Variants in SNX24 observed in about 807,000 individuals in gnomAD.
The protein encoded by SNX24 is sorting nexin 24.
SNX24 carries 22 observed loss-of-function variants against 28.7 expected under a neutral mutation model. That is an observed-to-expected ratio of 0.77 (90% CI 0.55 to 1.10). The LOEUF (loss-of-function observed/expected upper bound fraction) is 1.10, where lower values mean the gene tolerates loss of function less well. Among genes scored for constraint, SNX24 ranks in the 50% least tolerant of loss-of-function variants. SNX24 has a pLI of 0.00. For missense variants in SNX24, 221 were observed against 201.1 expected (o/e 1.10, Z -0.60); for synonymous variants, 69 against 71.5 (o/e 0.96, Z 0.18).
At chr5:122,867,043 A>G (rs1402811988) in intron 1 of SNX24, among the ~76,000 whole-genome samples, 3 of 152,144 alleles carry the variant, frequency 2.0e-5, no homozygotes, top group African/African-American at 4.8e-5. Context: ...AATCCTGGCT[A>G]TGGGAGAAAC....
rs1019045003 is a variant in SNX24, at chr5:122,895,632, A to T, written c.61-41102A>T. Reference sequence around the variant, plus strand: ...TCCCCCGCAGGGGACACGTCTGCAAAGTGTGTCCACGCATGCCAGCAGCTG... The same window carrying T: ...TCCCCCGCAGGGGACACGTCTGCAATGTGTGTCCACGCATGCCAGCAGCTG... On this transcript the variant is annotated intron_variant, in intron 1 of 6. Transcript: ENST00000261369. Among the ~76,000 whole-genome samples the T allele has an allele frequency of 1.5e-4, 23 of 152,292 alleles. No individual in the cohort carries two copies. In the East Asian group the frequency reaches 2.9e-3, roughly 19 times the overall value.
In SNX24 at chr5:122,856,391, G is replaced by A. The variant is rs143737578; in HGVS notation, c.60+10698G>A. Among the ~76,000 whole-genome samples, 61 of 152,230 alleles carry A rather than the reference G, an allele frequency of 4.0e-4. No individual in the cohort carries two copies. The Middle Eastern group carries it at 0.017, about 42-fold the overall frequency. On this transcript the variant is annotated intron_variant, in intron 1 of 6. Transcript: ENST00000261369. ...TCTACTGTTGATGGGCATTTAGGTT[G>A]ACTTCATGTTTTTGCTACTGTGAAT...
At position 122,990,038 on chromosome 5, in the gene SNX24, A is replaced by G. The variant is rs377180428; in HGVS notation, c.250-9874A>G. Reference sequence around the variant, plus strand: ...ATTGACTGTTTTTTGTTGTTGTTGCAGCCAAGAGGCCAAGCCCCTCCTCCT... The same window carrying G: ...ATTGACTGTTTTTTGTTGTTGTTGCGGCCAAGAGGCCAAGCCCCTCCTCCT... On this transcript the variant is annotated intron_variant, in intron 3 of 6. Coordinates refer to ENST00000261369, the MANE Select transcript of SNX24 (RefSeq NM_014035.4). Among the ~76,000 whole-genome samples the G allele has an allele frequency of 4.0e-4, 61 of 152,292 alleles. 2 individuals are homozygous for G. The highest frequency in any genetic ancestry group is 3.4e-3 in the Middle Eastern group (1 of 294).
intron 1 of SNX24, among the ~76,000 whole-genome samples, chr5:122,904,071 G>A (rs948148464): frequency 6.6e-6 from 1 of 152,056 alleles, no homozygotes; most frequent in Non-Finnish European, 1.5e-5. Context: ...TAAATTCTTG[G>A]GTTCTGTGGG....
intron 5 of SNX24, among the ~76,000 whole-genome samples, chr5:123,018,753 A>C (rs34200112): frequency 0.23 from 35,198 of 151,572 alleles, 5,214 homozygotes; most frequent in Non-Finnish European, 0.34. Context: ...GTGGTGGGAT[A>C]TCGGCTCACT....
intron 1 of SNX24, among the ~76,000 whole-genome samples, chr5:122,891,849 T>A (rs932271649): frequency 6.6e-6 from 1 of 152,214 alleles, no homozygotes; most frequent in East Asian, 1.9e-4. Context: ...TATTGACTTG[T>A]GAGCAAACAT....
intron 1 of SNX24, among the ~76,000 whole-genome samples, chr5:122,865,896 A>G (rs1361879304): frequency 6.6e-6 from 1 of 152,236 alleles, no homozygotes; most frequent in African/African-American, 2.4e-5. Flanking sequence ...AGAAGGTAGA[A>G]TCCTTGAGTG....
intron 3 of SNX24, among the ~76,000 whole-genome samples, chr5:122,989,272 A>G (rs1761732348): frequency 6.6e-6 from 1 of 152,220 alleles, no homozygotes; most frequent in Non-Finnish European, 1.5e-5. Flanking sequence ...CACTGGCTCA[A>G]GATTATCAGG....
intron 3 of SNX24, 121 bp downstream of exon 3, chr5:122,946,280 G>T: frequency 1.9e-6 from 1 of 517,004 alleles, no homozygotes; most frequent in Non-Finnish European, 3.4e-6. Context: ...CTAAATTAAA[G>T]GAAGTCCAAA....
At chr5:123,013,457 AAC>A (rs777081473), downstream of SNX24, among the ~76,000 whole-genome samples, 2 of 152,252 alleles carry the variant, frequency 1.3e-5, no homozygotes. Flanking sequence ...CAGCAGCGGA[AAC>A]ACAGGGAAGT....
intron 1 of SNX24, among the ~76,000 whole-genome samples, chr5:122,913,751 A>C (rs568851334): frequency 1.2e-4 from 19 of 152,310 alleles, no homozygotes; most frequent in African/African-American, 4.6e-4. Context: ...TGGGAGGCCA[A>C]GGCAGGCGGC....
At position 122,976,535 on chromosome 5, in the gene SNX24, A is replaced by G. The variant is rs1370259864; in HGVS notation, c.250-23377A>G. Among the ~76,000 whole-genome samples the G allele has an allele frequency of 2.0e-5, 3 of 152,154 alleles. No homozygotes were observed. The East Asian group carries it at 5.8e-4, about 29-fold the overall frequency. On this transcript the variant is annotated intron_variant, in intron 3 of 6. Transcript: ENST00000261369. ...AAAGTCACTCTTCCAGATTGATGCT[A>G]TTTATTTTTCATTGGCACACAAAAG...
At chr5:122,937,111 T>G (rs1345664669) in intron 2 of SNX24, among the ~76,000 whole-genome samples, 2 of 152,204 alleles carry the variant, frequency 1.3e-5, no homozygotes, top group African/African-American at 4.8e-5. Context: ...AAACCCAGAC[T>G]CTGTTTTATC....
At chr5:122,845,866 C>G (rs949764138) in intron 1 of SNX24, among the ~76,000 whole-genome samples, 173 bp downstream of exon 1, 1 of 151,828 alleles carries the variant, frequency 6.6e-6, no homozygotes, top group Non-Finnish European at 1.5e-5. Flanking sequence ...AGGAAACGGG[C>G]GCCCCTCCCG....
intron 1 of SNX24, among the ~76,000 whole-genome samples, chr5:122,892,299 T>G (rs1377229247): frequency 6.6e-6 from 1 of 152,136 alleles, no homozygotes; most frequent in Non-Finnish European, 1.5e-5. Context: ...GTTATCTTAC[T>G]TTCACTCCCA....
At chr5:123,019,367 G>T (rs2150186596) in intron 5 of SNX24, among the ~76,000 whole-genome samples, 1 of 150,950 alleles carries the variant, frequency 6.6e-6, no homozygotes, top group East Asian at 1.9e-4. Flanking sequence ...CAGCTCTCTG[G>T]ATTATAGGAA....
intron 1 of SNX24, among the ~76,000 whole-genome samples, chr5:122,857,009 T>C (rs1755223960): frequency 6.6e-6 from 1 of 151,972 alleles, no homozygotes; most frequent in African/African-American, 2.4e-5. Context: ...TTGATTTGCA[T>C]TTTTCTTTCT....
intron 1 of SNX24, among the ~76,000 whole-genome samples, chr5:122,911,203 AT>A (rs1428283219): frequency 2.0e-5 from 3 of 152,072 alleles, no homozygotes. Context: ...TTTGATTTGC[AT>A]TTCTCTGATG....
In SNX24 at chr5:123,008,241, C is replaced by T; in HGVS notation, c.*492C>T. 1.0e-6 allele frequency: 1 copy of T among 985,356 alleles called. No homozygotes were observed. Among genetic ancestry groups the T allele is most frequent in the East Asian group, 1.1e-4 (1 of 8,818 alleles). The allele number at this position is 985,356 out of a possible 1,614,324, so 61.0% of individuals were successfully genotyped here. ...GCTGGCACCAGGAGACGGCCACAGA[C>T]ACACACTGCTAAATGTGAAGATGGA... On this transcript the variant is annotated 3_prime_UTR_variant, in exon 7 of 7. Coordinates refer to ENST00000261369, the MANE Select transcript of SNX24 (RefSeq NM_014035.4).
Sources: gnomAD v4.1 joint callset for allele counts (sites outside exome capture counted in the v4.1 genomes callset) on GRCh38, gnomAD v4.1.1 for gene constraint, MANE v1.5 for transcripts, NCBI Gene and HGNC (gene_info 2026-07-23, HGNC 2026-07-21) for gene names.